The following MIR2052HG variants were observed in gnomAD, a reference collection of about 807,000 sequenced individuals.
The protein encoded by MIR2052HG is MIR2052 host gene.
At chr8:74,752,726 TC>T (rs1381252845) in intron 5 of MIR2052HG, among the ~76,000 whole-genome samples, 2 of 152,238 alleles carry the variant, frequency 1.3e-5, no homozygotes, top group Non-Finnish European at 2.9e-5. Context: ...TAACAGTCTC[TC>T]CTTGGCATTT....
At chr8:74,638,583 T>G (rs1037630351) in intron 2 of MIR2052HG, among the ~76,000 whole-genome samples, 11 of 151,980 alleles carry the variant, frequency 7.2e-5, no homozygotes, top group African/African-American at 2.7e-4. Context: ...TAGGAGGATT[T>G]TGGGGAGTAG....
chr8:74,644,102 T>C (rs1034102584), intron 2 of MIR2052HG, among the ~76,000 whole-genome samples: 1 of 152,218 alleles, frequency 6.6e-6, no homozygotes, highest in African/African-American at 2.4e-5. Context: ...TAGTATGAGA[T>C]GTAAAAGGCC....
At chr8:74,667,325 C>T (rs1159643880) in intron 2 of MIR2052HG, among the ~76,000 whole-genome samples, 1 of 152,002 alleles carries the variant, frequency 6.6e-6, no homozygotes, top group Non-Finnish European at 1.5e-5. Context: ...AGAGCATCCT[C>T]ATGAATTAGA....
intron 4 of MIR2052HG, among the ~76,000 whole-genome samples, chr8:74,737,978 CTATGTATGTATG>C (rs572233517): frequency 1.3e-5 from 2 of 151,398 alleles, no homozygotes; most frequent in African/African-American, 2.4e-5. Flanking sequence ...TATCTATTAT[CTATGTATGTATG>C]TATGTATGTA....
chr8:74,606,084 T>G (rs1808106672), intron 1 of MIR2052HG, among the ~76,000 whole-genome samples: 1 of 152,088 alleles, frequency 6.6e-6, no homozygotes, highest in Non-Finnish European at 1.5e-5. Flanking sequence ...GGCAAAAAAG[T>G]TAAAAGGATA....
At chr8:74,727,575 G>T (rs975226430) in intron 4 of MIR2052HG, among the ~76,000 whole-genome samples, 3 of 152,112 alleles carry the variant, frequency 2.0e-5, no homozygotes, top group African/African-American at 7.2e-5. Flanking sequence ...TTTTTTAAAT[G>T]CTGGTTTGAG....
intron 5 of MIR2052HG, chr8:74,757,708 A>C (rs375197125): frequency 6.6e-6 from 1 of 152,216 alleles, no homozygotes; most frequent in Non-Finnish European, 1.5e-5. Context: ...GAATGTTATT[A>C]GAACATCCTG....
chr8:74,638,364 G>A (rs1808604868), intron 2 of MIR2052HG, among the ~76,000 whole-genome samples: 1 of 152,148 alleles, frequency 6.6e-6, no homozygotes, highest in Non-Finnish European at 1.5e-5. Context: ...CATGCTGAGG[G>A]TAATGAAAAC....
intron 2 of MIR2052HG, among the ~76,000 whole-genome samples, chr8:74,679,415 G>A (rs1315404348): frequency 6.6e-6 from 1 of 151,962 alleles, no homozygotes; most frequent in African/African-American, 2.4e-5. Context: ...GGCTACGAGT[G>A]CCATTATTTC....
intron 2 of MIR2052HG, among the ~76,000 whole-genome samples, chr8:74,689,266 T>C (rs1341827386): frequency 6.6e-6 from 1 of 152,180 alleles, no homozygotes; most frequent in Non-Finnish European, 1.5e-5. Context: ...TACCAGAAAT[T>C]GGAGCTCTTA....
At chr8:74,631,318 C>T (rs1396508090) in intron 2 of MIR2052HG, among the ~76,000 whole-genome samples, 1 of 152,178 alleles carries the variant, frequency 6.6e-6, no homozygotes, top group East Asian at 1.9e-4. Flanking sequence ...GAGATTATTG[C>T]TAGTTATAGC....
chr8:74,605,481 T>C (rs1808097611), intron 1 of MIR2052HG, among the ~76,000 whole-genome samples: 1 of 152,150 alleles, frequency 6.6e-6, no homozygotes, highest in African/African-American at 2.4e-5. Context: ...TATTTAAGAG[T>C]TCTTCTCTAA....
chr8:74,662,777 G>A (rs1286288687), intron 2 of MIR2052HG, among the ~76,000 whole-genome samples: 1 of 151,952 alleles, frequency 6.6e-6, no homozygotes, highest in East Asian at 1.9e-4. Context: ...AGGGGCTTAT[G>A]TGGGCACTTT....
chr8:74,739,354 T>TA (rs1216077670), intron 4 of MIR2052HG, among the ~76,000 whole-genome samples: 3 of 152,218 alleles, frequency 2.0e-5, no homozygotes, highest in African/African-American at 4.8e-5. Flanking sequence ...GTGGAATTCT[T>TA]ACCATATGAA....
At position 74,617,908 on chromosome 8, in the gene MIR2052HG, A is replaced by G. The variant is rs141992309; in HGVS notation, n.216+4968A>G. On this transcript the variant is annotated intron_variant and non_coding_transcript_variant, in intron 2 of 6. Transcript: ENST00000523442. The stretch of plus-strand genomic sequence containing the variant: ...TAGTAATAGCCATTCTGACTGGTGT[A>G]AGATAGTATCTCATTGTGGTTTTGA... 1.1e-3 allele frequency among the ~76,000 whole-genome samples: 171 copies of G among 152,292 alleles called. 1 individual carries two copies. The highest frequency in any genetic ancestry group is 3.8e-3 in the African/African-American group (156 of 41,570).
chr8:74,644,210 G>C (rs1316176689), intron 2 of MIR2052HG, among the ~76,000 whole-genome samples: 1 of 152,158 alleles, frequency 6.6e-6, no homozygotes, highest in Non-Finnish European at 1.5e-5. Flanking sequence ...ATATAGTCAT[G>C]AGCCACATAA....
intron 4 of MIR2052HG, among the ~76,000 whole-genome samples, chr8:74,720,113 T>A: frequency 6.6e-6 from 1 of 152,182 alleles, no homozygotes; most frequent in Non-Finnish European, 1.5e-5. Context: ...CCTCCCAAAG[T>A]GTTGGGATTA....
intron 4 of MIR2052HG, among the ~76,000 whole-genome samples, chr8:74,748,809 T>C (rs1341698471): frequency 1.3e-5 from 2 of 152,208 alleles, no homozygotes; most frequent in Admixed American, 1.3e-4. Context: ...GAGATATGTG[T>C]GAACAGATGT....
chr8:74,749,508 G>A (rs946274473), intron 4 of MIR2052HG, among the ~76,000 whole-genome samples: 1 of 152,050 alleles, frequency 6.6e-6, no homozygotes, highest in East Asian at 1.9e-4. Flanking sequence ...TAGTGAAAAC[G>A]TCTCAACATA....
Sources: gnomAD v4.1 joint callset for allele counts (sites outside exome capture counted in the v4.1 genomes callset) on GRCh38, gnomAD v4.1.1 for gene constraint, MANE v1.5 for transcripts, NCBI Gene and HGNC (gene_info 2026-07-23, HGNC 2026-07-21) for gene names.